Variants in WDFY3 observed in about 807,000 individuals in gnomAD.
The protein encoded by WDFY3 is WD repeat and FYVE domain containing 3.
Under a neutral mutation model 409.6 loss-of-function variants are expected in WDFY3, and 66 were observed. The ratio of observed to expected loss-of-function variants is 0.16; its 90% CI spans 0.13 to 0.20. WDFY3 has a LOEUF of 0.20. Among genes scored for constraint, WDFY3 ranks in the 10% least tolerant of loss-of-function variants. The pLI is 1.00. For missense variants in WDFY3, 3,031 were observed against 4,298.1 expected (o/e 0.71, Z 8.24); for synonymous variants, 1,521 against 1,537.1 (o/e 0.99, Z 0.25).
chr4:84,706,707 G>A (rs1732012674), intron 53 of WDFY3, among the ~76,000 whole-genome samples: 1 of 152,052 alleles, frequency 6.6e-6, no homozygotes, highest in African/African-American at 2.4e-5. Context: ...AGTTGAGTTA[G>A]TTGGTGGAGA....
At position 84,778,596 on chromosome 4, in the gene WDFY3, T is replaced by C. The variant is rs764732061; in HGVS notation, c.4425A>G (p.Leu1475=). Residue 1475 remains leucine, a synonymous_variant, in exon 27 of 68, where the codon CTA becomes CTG. Coordinates refer to ENST00000295888, the MANE Select transcript of WDFY3 (RefSeq NM_014991.6). ...RSLLNSHILH[L]TFSLVGTVDS... Reference sequence around the variant, plus strand: ...CAACAGTTCCCACCAAAGAAAAAGTTAGATGGAGGATGTGGCTGTTAAGAA... The same window carrying C: ...CAACAGTTCCCACCAAAGAAAAAGTCAGATGGAGGATGTGGCTGTTAAGAA... 1.9e-6 allele frequency: 3 copies of C among 1,612,950 alleles called. No individual in the cohort carries two copies. Among genetic ancestry groups the C allele is most frequent in the South Asian group, 1.1e-5 (1 of 90,836 alleles).
At chr4:84,678,412 G>A in intron 65 of WDFY3, 133 bp from the exon 66 acceptor site, 1 of 611,028 alleles carries the variant, frequency 1.6e-6, no homozygotes, top group African/African-American at 1.8e-5. Flanking sequence ...CCAGTTCTCG[G>A]CAGCTGCTGC....
intron 1 of WDFY3, among the ~76,000 whole-genome samples, chr4:84,940,235 CA>C (rs1252653449): frequency 1.3e-5 from 2 of 152,056 alleles, no homozygotes; most frequent in Non-Finnish European, 2.9e-5. Context: ...GAGTTGCCTG[CA>C]ACCCGTCTCT....
intron 2 of WDFY3, among the ~76,000 whole-genome samples, chr4:84,922,713 G>A (rs1419397441): frequency 6.6e-6 from 1 of 151,990 alleles, no homozygotes; most frequent in Non-Finnish European, 1.5e-5. Context: ...AGCCTGGAGT[G>A]CAGTGGCACC....
intron 24 of WDFY3, among the ~76,000 whole-genome samples, 194 bp from the exon 25 acceptor site, chr4:84,783,268 G>T (rs1746886124): frequency 1.3e-5 from 2 of 152,128 alleles, no homozygotes; most frequent in Non-Finnish European, 2.9e-5. Context: ...TAGAGGCAAG[G>T]GAATCGCTTG....
At chr4:84,797,241 T>C (rs933801469) in intron 18 of WDFY3, among the ~76,000 whole-genome samples, 4 of 152,156 alleles carry the variant, frequency 2.6e-5, no homozygotes, top group Non-Finnish European at 4.4e-5. Flanking sequence ...TATTAATTCT[T>C]TCCTTACAAT....
At chr4:84,936,840 T>C (rs1458157718) in intron 1 of WDFY3, among the ~76,000 whole-genome samples, 2 of 152,056 alleles carry the variant, frequency 1.3e-5, no homozygotes, top group African/African-American at 4.8e-5. Flanking sequence ...TTTCACTGAA[T>C]TTCAGGATTC....
At chr4:84,754,527 G>T (rs1741100625) in intron 34 of WDFY3, among the ~76,000 whole-genome samples, 1 of 152,122 alleles carries the variant, frequency 6.6e-6, no homozygotes, top group East Asian at 1.9e-4. Context: ...AATTAGATTT[G>T]TCAGGTACAT....
intron 32 of WDFY3, among the ~76,000 whole-genome samples, chr4:84,764,820 G>A (rs1415825908): frequency 2.7e-5 from 4 of 150,574 alleles, no homozygotes; most frequent in African/African-American, 9.8e-5. Context: ...AGCCAAGATC[G>A]TGCCACTGCA....
intron 2 of WDFY3, among the ~76,000 whole-genome samples, chr4:84,922,433 T>C (rs561190219): frequency 2.0e-5 from 3 of 152,334 alleles, no homozygotes; most frequent in Admixed American, 6.5e-5. Context: ...TTAGTCTTTT[T>C]ATAACAAATA....
chr4:84,681,761 T>C (rs1188749469), intron 64 of WDFY3, among the ~76,000 whole-genome samples: 3 of 152,216 alleles, frequency 2.0e-5, no homozygotes, highest in Non-Finnish European at 4.4e-5. Flanking sequence ...GTGACTGCAA[T>C]GCAAAGCAGA....
rs1476143711 is a variant in WDFY3 at position 84,729,688 on chromosome 4, A to T, written c.7222-2777T>A. On this transcript the variant is annotated intron_variant, in intron 44 of 67. Coordinates refer to ENST00000295888, the MANE Select transcript of WDFY3 (RefSeq NM_014991.6). The stretch of plus-strand genomic sequence containing the variant: ...TTAAGAAATAAAACTTTAATGAGTA[A>T]AAAAAAAAAATCACCTGATTTATTT... Among the ~76,000 whole-genome samples, 4 of 1,660 alleles carry T rather than the reference A, an allele frequency of 2.4e-3. No homozygotes were observed. The Non-Finnish European group carries it at 0.033, about 14-fold the overall frequency. The allele number at this position is 1,660 out of a possible 152,430, so 1.1% of individuals were successfully genotyped here.
At chr4:84,725,028 C>T (rs1405630892) in intron 45 of WDFY3, among the ~76,000 whole-genome samples, 1 of 152,226 alleles carries the variant, frequency 6.6e-6, no homozygotes, top group Non-Finnish European at 1.5e-5. Flanking sequence ...AAGGTCCACA[C>T]ACTCAGAATA....
intron 1 of WDFY3, among the ~76,000 whole-genome samples, chr4:84,958,054 T>C (rs1387019134): frequency 2.6e-5 from 4 of 152,242 alleles, no homozygotes; most frequent in African/African-American, 7.2e-5. Flanking sequence ...GGTGAAAGAA[T>C]GCATCTCTAA....
intron 3 of WDFY3, among the ~76,000 whole-genome samples, chr4:84,889,146 T>C (rs1319082052): frequency 1.3e-5 from 2 of 152,306 alleles, no homozygotes; most frequent in South Asian, 2.1e-4. Context: ...ATTTATCGTA[T>C]TCTACTACTT....
chr4:84,943,051 C>T (rs1772343421), intron 1 of WDFY3, among the ~76,000 whole-genome samples: 1 of 152,226 alleles, frequency 6.6e-6, no homozygotes, highest in South Asian at 2.1e-4. Context: ...AGATCAACTA[C>T]TCCTCTCTTC....
chr4:84,844,439 C>A (rs894705473), intron 5 of WDFY3: 5 of 1,288,684 alleles, frequency 3.9e-6, no homozygotes, highest in Non-Finnish European at 5.1e-6. Flanking sequence ...ATAACCACAT[C>A]TTGGGAATGA....
chr4:84,678,771 C>T, intron 65 of WDFY3, 148 bp downstream of exon 65: 1 of 802,812 alleles, frequency 1.2e-6, no homozygotes. Flanking sequence ...AAGAGGCCTT[C>T]TGTGTAAAGA....
At chr4:84,732,513 T>C (rs1022847055) in intron 44 of WDFY3, among the ~76,000 whole-genome samples, 3 of 152,154 alleles carry the variant, frequency 2.0e-5, no homozygotes, top group Admixed American at 6.5e-5. Context: ...ACTGTACCCT[T>C]TGACCAACAT....
Sources: gnomAD v4.1 joint callset for allele counts (sites outside exome capture counted in the v4.1 genomes callset) on GRCh38, gnomAD v4.1.1 for gene constraint, MANE v1.5 for transcripts, NCBI Gene and HGNC (gene_info 2026-07-23, HGNC 2026-07-21) for gene names.